TBCA: variants seen among roughly 807,000 people sequenced by gnomAD.
TBCA encodes tubulin folding cofactor A, also known as tubulin-specific chaperone A.
In TBCA, 6 loss-of-function variants were observed where a neutral mutation model predicts 15.8. That is an observed-to-expected ratio of 0.38 (90% CI 0.21 to 0.75). The LOEUF is 0.75. Among genes scored for constraint, TBCA ranks in the 30% least tolerant of loss-of-function variants. TBCA has a pLI of 0.46. For missense variants in TBCA, 90 were observed against 131.2 expected (o/e 0.69, Z 1.53); for synonymous variants, 32 against 42.3 (o/e 0.76, Z 0.94).
intron 2 of TBCA, among the ~76,000 whole-genome samples, chr5:77,701,190 A>G (rs1394475034): frequency 1.3e-5 from 2 of 152,230 alleles, no homozygotes; most frequent in Admixed American, 6.5e-5. Flanking sequence ...TCCAAAATCT[A>G]TAACAAATTC....
At chr5:77,724,909 G>A (rs896465088) in intron 1 of TBCA, among the ~76,000 whole-genome samples, 1 of 152,112 alleles carries the variant, frequency 6.6e-6, no homozygotes, top group Non-Finnish European at 1.5e-5. Flanking sequence ...TTTACTCTAA[G>A]AAATGTTTAT....
At chr5:77,763,802 T>C (rs1427342474) in intron 1 of TBCA, among the ~76,000 whole-genome samples, 1 of 152,234 alleles carries the variant, frequency 6.6e-6, no homozygotes, top group Non-Finnish European at 1.5e-5. Context: ...GTCTATGGTA[T>C]GTTGTTAGGG....
intron 1 of TBCA, among the ~76,000 whole-genome samples, chr5:77,740,622 G>A (rs1561276704): frequency 1.3e-5 from 2 of 152,290 alleles, no homozygotes; most frequent in African/African-American, 4.8e-5. Context: ...GTGTTTAAAG[G>A]ATATTATGTG....
At chr5:77,764,761 G>C (rs1364647778) in intron 1 of TBCA, among the ~76,000 whole-genome samples, 2 of 143,636 alleles carry the variant, frequency 1.4e-5, no homozygotes, top group Non-Finnish European at 3.0e-5. Flanking sequence ...CTTATCTTCT[G>C]TTAGAATTAA....
intron 1 of TBCA, among the ~76,000 whole-genome samples, chr5:77,750,140 C>CTCTCTG (rs1554045746): frequency 1.5e-5 from 2 of 134,010 alleles, no homozygotes; most frequent in Non-Finnish European, 3.4e-5. Flanking sequence ...TGCTCTCTCT[C>CTCTCTG]TATATATATA....
chr5:77,720,297 T>G (rs568126159), intron 1 of TBCA, among the ~76,000 whole-genome samples: 1 of 152,288 alleles, frequency 6.6e-6, no homozygotes, highest in East Asian at 1.9e-4. Context: ...GTTTTGTTTT[T>G]AAGTGAGACT....
At chr5:77,750,848 T>C (rs994603173) in intron 1 of TBCA, among the ~76,000 whole-genome samples, 5 of 152,154 alleles carry the variant, frequency 3.3e-5, no homozygotes, top group South Asian at 2.1e-4. Context: ...AAAATTTACA[T>C]TGGTTTGATC....
chr5:77,707,454 G>C lies in TBCA; in HGVS notation c.159+788C>G, dbSNP rs751637355. ...AAATTAATAAGGAGAGGGTAGGTAA[G>C]GCCAGGAGTAAGAGCATCCCAGACA... is the stretch of plus-strand genomic sequence containing the variant. On this transcript the variant is annotated intron_variant, in intron 2 of 3. Coordinates refer to ENST00000380377, the MANE Select transcript of TBCA (RefSeq NM_004607.3). Among the ~76,000 whole-genome samples the C allele has an allele frequency of 6.3e-4, 96 of 152,114 alleles. 1 individual carries two copies. Among genetic ancestry groups the C allele is most frequent in the Non-Finnish European group, 3.7e-4 (25 of 68,032 alleles).
At position 77,714,575 on chromosome 5, in the gene TBCA, AT is replaced by A. The variant is rs146736386; in HGVS notation, c.54-6229del. Among the ~76,000 whole-genome samples, 4 of 148,924 alleles carry A rather than the reference AT, an allele frequency of 2.7e-5. No homozygotes were observed. The East Asian group carries it at 5.9e-4, about 22-fold the overall frequency. ...AACAATTATTACTATTATTATTATT[AT>A]TTTTTTTTGAGATGGAGTCTGTCTC... On this transcript the variant is annotated intron_variant, in intron 1 of 3. Coordinates refer to ENST00000380377, the MANE Select transcript of TBCA (RefSeq NM_004607.3).
At chr5:77,715,335 C>G (rs1474070579) in intron 1 of TBCA, 1 of 700,796 alleles carries the variant, frequency 1.4e-6, no homozygotes, top group African/African-American at 1.8e-5. Context: ...AAAAATACAT[C>G]CCAAGGTTAA....
chr5:77,697,290 A>G (rs1745894447), intron 2 of TBCA, among the ~76,000 whole-genome samples: 2 of 152,218 alleles, frequency 1.3e-5, no homozygotes, highest in South Asian at 4.1e-4. Context: ...TGAGAATACA[A>G]TGTTCTAATA....
intron 1 of TBCA, among the ~76,000 whole-genome samples, chr5:77,736,647 T>C (rs771110729): frequency 2.0e-5 from 3 of 152,174 alleles, no homozygotes; most frequent in Non-Finnish European, 4.4e-5. Context: ...TATTTCTTTT[T>C]CTAAGAGGAA....
chr5:77,751,155 CTTTCTTT>C (rs1317127624), intron 1 of TBCA, among the ~76,000 whole-genome samples: 6 of 106,920 alleles, frequency 5.6e-5, no homozygotes, highest in South Asian at 3.0e-4. Flanking sequence ...GTCTTTCTTT[CTTTCTTT>C]TTTTTTTTTT....
At chr5:77,717,704 C>T (rs1474215735) in intron 1 of TBCA, among the ~76,000 whole-genome samples, 1 of 152,062 alleles carries the variant, frequency 6.6e-6, no homozygotes, top group Non-Finnish European at 1.5e-5. Flanking sequence ...TAGTGGTGCA[C>T]GCCTGTAATC....
chr5:77,703,883 G>A (rs1246135935), intron 2 of TBCA, among the ~76,000 whole-genome samples: 2 of 152,170 alleles, frequency 1.3e-5, no homozygotes, highest in Non-Finnish European at 2.9e-5. Context: ...GGTGGGAGGT[G>A]ATTGGATTAT....
At chr5:77,746,487 T>C (rs749635362) in intron 1 of TBCA, among the ~76,000 whole-genome samples, 4 of 152,154 alleles carry the variant, frequency 2.6e-5, no homozygotes, top group African/African-American at 2.4e-5. Context: ...AGACTAATCC[T>C]AGCAAAACTG....
intron 1 of TBCA, among the ~76,000 whole-genome samples, chr5:77,772,399 A>G (rs959313131): frequency 9.2e-5 from 14 of 152,160 alleles, no homozygotes; most frequent in African/African-American, 3.1e-4. Flanking sequence ...CAGGTGCAGC[A>G]TATCACCATG....
At chr5:77,692,840 G>A (rs1745785791) in intron 3 of TBCA, 1 of 1,096,472 alleles carries the variant, frequency 9.1e-7, no homozygotes, top group East Asian at 7.0e-5. Flanking sequence ...CTCTCAAACT[G>A]ATCTAGGTTT....
At chr5:77,736,991 G>A (rs1746923992) in intron 1 of TBCA, among the ~76,000 whole-genome samples, 1 of 152,182 alleles carries the variant, frequency 6.6e-6, no homozygotes, top group African/African-American at 2.4e-5. Context: ...AGGCATATAT[G>A]TATACATTGT....
Sources: gnomAD v4.1 joint callset for allele counts (sites outside exome capture counted in the v4.1 genomes callset) on GRCh38, gnomAD v4.1.1 for gene constraint, MANE v1.5 for transcripts, NCBI Gene and HGNC (gene_info 2026-07-23, HGNC 2026-07-21) for gene names.